The following FAM149B1 variants were observed in gnomAD, a reference collection of about 807,000 sequenced individuals.
FAM149B1 encodes the protein primary cilium assembly protein FAM149B1.
In FAM149B1, 56 loss-of-function variants were observed where a neutral mutation model predicts 75.3. That is an observed-to-expected ratio of 0.74 (90% CI 0.60 to 0.93). FAM149B1 has a LOEUF of 0.93. Among genes scored for constraint, FAM149B1 ranks in the 40% least tolerant of loss-of-function variants. The probability of loss-of-function intolerance (pLI) is 0.00; values close to 1 mark genes in which losing one functional copy is unlikely to be tolerated. For synonymous variants in FAM149B1, 259 were observed against 256.1 expected (o/e 1.01, Z -0.11); for missense variants, 639 against 708.4 (o/e 0.90, Z 1.11).
rs770568936 is a variant in FAM149B1 at position 73,233,004 on chromosome 10, C to G, written c.1193C>G (p.Pro398Arg). ...SSTILSTRNW[P>R]NRAVEFSTSS... The stretch of plus-strand genomic sequence containing the variant: ...ACCATCCTTTCAACTCGAAATTGGC[C>G]AAATCGAGCTGTGGAGTTTAGTACA... Residue 398 changes from proline (P) to arginine (R), a missense_variant, in exon 10 of 14, where the codon CCA (proline) becomes CGA (arginine). Coordinates refer to ENST00000242505, the MANE Select transcript of FAM149B1 (RefSeq NM_173348.2). 7.1e-6 allele frequency: 11 copies of G among 1,551,906 alleles called. No homozygotes were observed. In the South Asian group the frequency reaches 1.2e-4, roughly 17 times the overall value.
intron 13 of FAM149B1, among the ~76,000 whole-genome samples, chr10:73,240,344 G>T (rs1020278627): frequency 6.6e-6 from 1 of 152,172 alleles, no homozygotes; most frequent in African/African-American, 2.4e-5. Flanking sequence ...AGCATTGTCT[G>T]GTAGTCTTTG....
intron 5 of FAM149B1, among the ~76,000 whole-genome samples, chr10:73,195,003 C>A (rs1393030685): frequency 6.6e-6 from 1 of 152,086 alleles, no homozygotes; most frequent in Non-Finnish European, 1.5e-5. Flanking sequence ...TTTTAAATGG[C>A]AAAATCTTTT....
At chr10:73,214,481 G>A (rs2043253726) in intron 7 of FAM149B1, among the ~76,000 whole-genome samples, 1 of 152,096 alleles carries the variant, frequency 6.6e-6, no homozygotes, top group Non-Finnish European at 1.5e-5. Context: ...TTTCTTCTAT[G>A]CCTAGTGTGT....
chr10:73,193,217 G>A (rs1163832116), intron 4 of FAM149B1, among the ~76,000 whole-genome samples: 2 of 152,220 alleles, frequency 1.3e-5, no homozygotes, highest in African/African-American at 2.4e-5. Flanking sequence ...AGCATGAAGG[G>A]CAGATTACAG....
chr10:73,226,504 C>T (rs1257907933), intron 7 of FAM149B1, among the ~76,000 whole-genome samples: 1 of 151,716 alleles, frequency 6.6e-6, no homozygotes, highest in Non-Finnish European at 1.5e-5. Context: ...GACTCTGTCT[C>T]AAAAAAAAGA....
At chr10:73,200,972 C>A in intron 5 of FAM149B1, 2 of 426,730 alleles carry the variant, frequency 4.7e-6, no homozygotes, top group South Asian at 2.0e-5. Flanking sequence ...TGATCAGGGT[C>A]AAGCCCTGTT....
In FAM149B1 at chr10:73,182,396, G is replaced by A. The variant is rs187365308; in HGVS notation, c.282+4421G>A. Among the ~76,000 whole-genome samples, 4 of 152,178 alleles carry A rather than the reference G, an allele frequency of 2.6e-5. No homozygotes were observed. The East Asian group carries it at 7.7e-4, about 29-fold the overall frequency. On this transcript the variant is annotated intron_variant, in intron 3 of 13. Coordinates refer to ENST00000242505, the MANE Select transcript of FAM149B1 (RefSeq NM_173348.2). ...TGCCTGGCTAATTGTATTTTTAGTAGAGACGGGGTTCTGCCTTGTTGGCCA... is the reference window on the plus strand; with the variant it reads ...TGCCTGGCTAATTGTATTTTTAGTAAAGACGGGGTTCTGCCTTGTTGGCCA...
Position 73,177,962 on chromosome 10 carries a change from C to T in FAM149B1, c.269C>T (p.Ser90Phe), listed in dbSNP as rs181581620. The change falls in exon 3 of 14, where the codon TCC (serine) becomes TTC (phenylalanine). Residue 90 changes from serine (S) to phenylalanine (F), a missense_variant. By Grantham distance (155) the Ser-to-Phe change is radical. Coordinates refer to ENST00000242505, the MANE Select transcript of FAM149B1 (RefSeq NM_173348.2). Reference protein sequence around the residue: ...GISTEGSSDFSWGYGELDQNA... With the variant: ...GISTEGSSDFFWGYGELDQNA... ...TCTACTGAAGGAAGCTCGGACTTCT[C>T]CTGGGGATATGGTGTGAGTTATATG... The T allele has an allele frequency of 3.1e-4, 483 of 1,550,774 alleles. 5 individuals carry two copies. In the East Asian group the frequency reaches 0.01, roughly 32 times the overall value.
At chr10:73,175,683 A>AG (rs1405802064) in intron 2 of FAM149B1, among the ~76,000 whole-genome samples, 1 of 149,338 alleles carries the variant, frequency 6.7e-6, no homozygotes, top group East Asian at 2.2e-4. Flanking sequence ...AAAAAAAAAA[A>AG]AAAGAAAAGA....
intron 7 of FAM149B1, 100 bp downstream of exon 7, chr10:73,210,538 T>A: frequency 1.2e-6 from 1 of 817,278 alleles, no homozygotes; most frequent in Non-Finnish European, 1.9e-6. Flanking sequence ...AAAAGGTGCG[T>A]ATGGGCCAGG....
intron 5 of FAM149B1, among the ~76,000 whole-genome samples, chr10:73,198,246 A>G (rs1218972849): frequency 6.6e-6 from 1 of 152,228 alleles, no homozygotes; most frequent in African/African-American, 2.4e-5. Context: ...GTAAAACTGT[A>G]AAACTCCTAG....
At chr10:73,211,368 T>G (rs1316025389) in intron 7 of FAM149B1, among the ~76,000 whole-genome samples, 1 of 152,100 alleles carries the variant, frequency 6.6e-6, no homozygotes, top group East Asian at 1.9e-4. Flanking sequence ...CAAGAGCCCC[T>G]AACCACCGGT....
chr10:73,235,220 C>T lies in FAM149B1; in HGVS notation c.1504C>T (p.Gln502Ter), dbSNP rs1445487732. The T allele has an allele frequency of 5.8e-6, 9 of 1,551,620 alleles. No homozygotes were observed. The highest frequency in any genetic ancestry group is 6.1e-6 in the Non-Finnish European group (7 of 1,146,982). Residue 502 changes from glutamine (Q) to a stop codon, truncating the protein, a stop_gained, in exon 12 of 14, where the codon CAA becomes TAA. Transcript: ENST00000242505. LOFTEE classifies it high-confidence loss of function. Reference sequence around the variant, plus strand: ...ACCCCATGGCGACTCTAGTCGAGCTCAAAGTGCGGTGGTGGATGAACCTAA... The same window carrying T: ...ACCCCATGGCGACTCTAGTCGAGCTTAAAGTGCGGTGGTGGATGAACCTAA... ...MKPHGDSSRA[Q>*]SAVVDEPNYQ...
intron 7 of FAM149B1, among the ~76,000 whole-genome samples, chr10:73,223,539 T>C (rs1203021183): frequency 6.6e-6 from 1 of 152,162 alleles, no homozygotes; most frequent in South Asian, 2.1e-4. Context: ...CGCATAAGGG[T>C]AGAATTGCTA....
intron 13 of FAM149B1, among the ~76,000 whole-genome samples, chr10:73,240,513 C>T (rs368835092): frequency 1.4e-4 from 22 of 152,218 alleles, no homozygotes; most frequent in Admixed American, 6.5e-4. Flanking sequence ...CATATTGAGA[C>T]CATCCTGGCT....
At chr10:73,210,535 G>A (rs530836973) in intron 7 of FAM149B1, 97 bp downstream of exon 7, 10 of 842,102 alleles carry the variant, frequency 1.2e-5, no homozygotes, top group African/African-American at 1.7e-5. Flanking sequence ...TGCAAAAGGT[G>A]CGTATGGGCC....
intron 3 of FAM149B1, chr10:73,183,527 A>G (rs1026316730): frequency 6.6e-6 from 1 of 152,188 alleles, no homozygotes; most frequent in African/African-American, 2.4e-5. Flanking sequence ...TATAAGGAAT[A>G]CTTCTCAATT....
At chr10:73,191,898 T>C (rs917632055) in intron 3 of FAM149B1, among the ~76,000 whole-genome samples, 15 of 152,238 alleles carry the variant, frequency 9.9e-5, no homozygotes, top group African/African-American at 3.6e-4. Context: ...TTTAAAAATA[T>C]AGACTTTTTT....
intron 5 of FAM149B1, among the ~76,000 whole-genome samples, chr10:73,201,568 G>A (rs1316848938): frequency 6.6e-6 from 1 of 152,182 alleles, no homozygotes; most frequent in Non-Finnish European, 1.5e-5. Flanking sequence ...AGATATAAGT[G>A]CTGTATAAAA....
Sources: gnomAD v4.1 joint callset for allele counts (sites outside exome capture counted in the v4.1 genomes callset) on GRCh38, gnomAD v4.1.1 for gene constraint, MANE v1.5 for transcripts, NCBI Gene and HGNC (gene_info 2026-07-23, HGNC 2026-07-21) for gene names.